Variants in PTPN1 observed in about 807,000 individuals in gnomAD.
PTPN1 encodes the protein protein tyrosine phosphatase non-receptor type 1.
PTPN1 carries 12 observed loss-of-function variants against 59.9 expected under a neutral mutation model. The observed-to-expected ratio is 0.20, with a 90% CI of 0.13 to 0.32. PTPN1 has a LOEUF of 0.32. Ranked by LOEUF, PTPN1 falls within the 10% of genes least tolerant of loss-of-function variation. The pLI, the probability that PTPN1 is intolerant of heterozygous loss-of-function variation, is 1.00. For missense variants in PTPN1, 356 were observed against 549.2 expected (o/e 0.65, Z 3.52); for synonymous variants, 178 against 203.6 (o/e 0.87, Z 1.07).
At chr20:50,571,776 G>C (rs1049554922) in intron 4 of PTPN1, 1 of 152,180 alleles carries the variant, frequency 6.6e-6, no homozygotes, top group Admixed American at 6.5e-5. Context: ...CTCAGTGTAG[G>C]CTGCACCATG....
In PTPN1 at chr20:50,510,524, C is replaced by G; in HGVS notation, c.-4C>G. On this transcript the variant is annotated 5_prime_UTR_variant, in exon 1 of 10. Transcript: ENST00000371621. ...AGGAGGCGCAGCAGCCGCCCTGGCC[C>G]GTCATGGAGATGGAAAAGGAGTTCG... 6.5e-7 allele frequency: 1 copy of G among 1,549,884 alleles called. No individual in the cohort carries two copies.
chr20:50,552,698 T>C, intron 1 of PTPN1, among the ~76,000 whole-genome samples: 1 of 151,996 alleles, frequency 6.6e-6, no homozygotes, highest in East Asian at 1.9e-4. Flanking sequence ...ATTTTTTTTT[T>C]TTTTTTAACT....
intron 1 of PTPN1, among the ~76,000 whole-genome samples, chr20:50,528,910 A>G (rs1206485377): frequency 6.6e-6 from 1 of 151,944 alleles, no homozygotes; most frequent in Non-Finnish European, 1.5e-5. Flanking sequence ...TAGATTTTAC[A>G]CTTTGTTTTC....
At chr20:50,523,334 A>T (rs2082559464) in intron 1 of PTPN1, among the ~76,000 whole-genome samples, 1 of 152,164 alleles carries the variant, frequency 6.6e-6, no homozygotes, top group Non-Finnish European at 1.5e-5. Flanking sequence ...AATATAGAAC[A>T]TTCGGAGAAT....
chr20:50,543,674 G>A (rs2082662345), intron 1 of PTPN1, among the ~76,000 whole-genome samples: 1 of 152,102 alleles, frequency 6.6e-6, no homozygotes, highest in South Asian at 2.1e-4. Flanking sequence ...AATATAATGG[G>A]CATAGTTGAA....
At chr20:50,565,415 C>T (rs1047697482) in intron 3 of PTPN1, among the ~76,000 whole-genome samples, 5 of 152,192 alleles carry the variant, frequency 3.3e-5, no homozygotes, top group African/African-American at 1.2e-4. Context: ...TGTCGTAGAG[C>T]ACTTGTGATG....
chr20:50,561,791 C>T (rs117703528), intron 2 of PTPN1, among the ~76,000 whole-genome samples: 1,607 of 152,286 alleles, frequency 0.011, 12 homozygotes, highest in Middle Eastern at 0.017. Flanking sequence ...TCAGCAGCAG[C>T]GTCATTAGGG....
chr20:50,527,812 T>C (rs559011485), intron 1 of PTPN1, among the ~76,000 whole-genome samples: 1 of 152,352 alleles, frequency 6.6e-6, no homozygotes, highest in South Asian at 2.1e-4. Flanking sequence ...TTTTCTTTTA[T>C]ATCTCCTGCT....
intron 1 of PTPN1, among the ~76,000 whole-genome samples, chr20:50,547,469 T>G (rs539565898): frequency 2.0e-5 from 3 of 152,118 alleles, no homozygotes; most frequent in Non-Finnish European, 4.4e-5. Flanking sequence ...GTTCAAGCGA[T>G]TCTCCTGCCT....
intron 1 of PTPN1, 100 bp from the exon 2 acceptor site, chr20:50,561,263 T>A: frequency 1.1e-6 from 1 of 888,678 alleles, no homozygotes; most frequent in Non-Finnish European, 1.8e-6. Context: ...ATTATCACCT[T>A]GCATTTCCCA....
intron 1 of PTPN1, among the ~76,000 whole-genome samples, chr20:50,532,964 A>G (rs2082607863): frequency 6.6e-6 from 1 of 151,420 alleles, no homozygotes; most frequent in African/African-American, 2.4e-5. Flanking sequence ...TGTCTTCATT[A>G]TCCCCTTTTG....
chr20:50,549,959 T>C (rs1280438268), intron 1 of PTPN1, among the ~76,000 whole-genome samples: 1 of 152,184 alleles, frequency 6.6e-6, no homozygotes, highest in Admixed American at 6.5e-5. Context: ...GAGTATACTT[T>C]GTTACATAGA....
chr20:50,558,140 T>C (rs1213258985), intron 1 of PTPN1: 3 of 151,428 alleles, frequency 2.0e-5, no homozygotes, highest in Non-Finnish European at 4.4e-5. Context: ...CCATGATAAT[T>C]GCCTTTTTTT....
At chr20:50,512,042 G>T (rs928044059) in intron 1 of PTPN1, among the ~76,000 whole-genome samples, 2 of 152,112 alleles carry the variant, frequency 1.3e-5, no homozygotes, top group Non-Finnish European at 2.9e-5. Flanking sequence ...TTTTTATTTG[G>T]ACTGTAGTGT....
chr20:50,579,308 C>T lies in PTPN1; in HGVS notation c.843C>T (p.Ile281=). Residue 281 remains isoleucine, a synonymous_variant, in exon 7 of 10, where the codon ATC becomes ATT. Transcript: ENST00000371621. ...CTGTGATCGAAGGTGCCAAATTCAT[C>T]ATGGGGGACTCTTCCGTGCAGGTCA... ...YLAVIEGAKF[I]MGDSSVQDQW... is the part of the protein sequence containing the mutation. 1.2e-6 allele frequency: 2 copies of T among 1,614,234 alleles called. No individual in the cohort carries two copies. The highest frequency in any genetic ancestry group is 1.7e-6 in the Non-Finnish European group (2 of 1,180,042).
chr20:50,521,718 A>G (rs1462243521), intron 1 of PTPN1, among the ~76,000 whole-genome samples: 1 of 152,252 alleles, frequency 6.6e-6, no homozygotes, highest in Non-Finnish European at 1.5e-5. Flanking sequence ...TTTAAAAAAG[A>G]GAAGAGTTTA....
At chr20:50,553,633 A>G (rs2082713175) in intron 1 of PTPN1, among the ~76,000 whole-genome samples, 1 of 152,234 alleles carries the variant, frequency 6.6e-6, no homozygotes, top group African/African-American at 2.4e-5. Context: ...AAAAAGTAAT[A>G]ATAATAAGTA....
chr20:50,528,965 C>A (rs1381989717), intron 1 of PTPN1, among the ~76,000 whole-genome samples: 1 of 152,104 alleles, frequency 6.6e-6, no homozygotes, highest in Admixed American at 6.5e-5. Context: ...TGTTTTCCCC[C>A]CATGAGATTG....
chr20:50,531,663 C>T (rs554988322), intron 1 of PTPN1, among the ~76,000 whole-genome samples: 1 of 152,322 alleles, frequency 6.6e-6, no homozygotes, highest in South Asian at 2.1e-4. Context: ...AGGCGTGAGC[C>T]ACTGTGCCTG....
Sources: allele counts gnomAD v4.1 joint callset (sites outside exome capture counted in the v4.1 genomes callset), GRCh38; gene constraint gnomAD v4.1.1; transcripts MANE v1.5; gene names NCBI Gene and HGNC (gene_info 2026-07-23, HGNC 2026-07-21).